ZFAND4: variants seen among roughly 807,000 people sequenced by gnomAD.
ZFAND4 encodes the protein AN1-type zinc finger protein 4.
Under a neutral mutation model 64.4 loss-of-function variants are expected in ZFAND4, and 43 were observed. The observed-to-expected ratio is 0.67, with a 90% CI of 0.52 to 0.86. The LOEUF (loss-of-function observed/expected upper bound fraction) is 0.86, where lower values mean the gene tolerates loss of function less well. Among genes scored for constraint, ZFAND4 ranks in the 40% least tolerant of loss-of-function variants. The probability of loss-of-function intolerance (pLI) is 0.00; values close to 1 mark genes in which losing one functional copy is unlikely to be tolerated. For missense variants in ZFAND4, 929 were observed against 859.8 expected, an observed-to-expected ratio of 1.08 and a Z score of -1.01; for synonymous variants, 296 against 305.7, an observed-to-expected ratio of 0.97 and a Z score of 0.33.
At chr10:45,641,622 T>C (rs1158387666) in intron 5 of ZFAND4, among the ~76,000 whole-genome samples, 2 of 152,188 alleles carry the variant, frequency 1.3e-5, no homozygotes, top group African/African-American at 2.4e-5. Flanking sequence ...ATTCAGTCTG[T>C]GGTGCTTGAC....
intron 6 of ZFAND4, among the ~76,000 whole-genome samples, chr10:45,627,851 T>C (rs563593326): frequency 3.3e-5 from 5 of 152,196 alleles, no homozygotes; most frequent in African/African-American, 9.7e-5. Context: ...CTCATGAGAC[T>C]CCACTGAAAG....
At chr10:45,670,733 G>C (rs1182999078) in intron 1 of ZFAND4, among the ~76,000 whole-genome samples, 1 of 152,166 alleles carries the variant, frequency 6.6e-6, no homozygotes, top group Non-Finnish European at 1.5e-5. Context: ...AAAAACCCTA[G>C]AAGAAAACCT....
chr10:45,618,114 T>C (rs745970889), intron 9 of ZFAND4, 26 bp downstream of exon 9: 21 of 1,597,606 alleles, frequency 1.3e-5, no homozygotes, highest in Non-Finnish European at 1.8e-5. Flanking sequence ...AGAAAGCATC[T>C]GAGCTTCTCC....
chr10:45,654,633 T>C (rs1463381944), intron 2 of ZFAND4, among the ~76,000 whole-genome samples: 1 of 150,604 alleles, frequency 6.6e-6, no homozygotes, highest in Non-Finnish European at 1.5e-5. Context: ...AAAAAAAAGA[T>C]ATCATGAATC....
intron 2 of ZFAND4, among the ~76,000 whole-genome samples, chr10:45,653,733 T>A (rs2047912458): frequency 1.3e-5 from 2 of 152,182 alleles, no homozygotes; most frequent in African/African-American, 4.8e-5. Context: ...TGCAAATTAG[T>A]TCAGCCATTG....
rs1380681291 is a variant in ZFAND4 at position 45,652,416 on chromosome 10, ACTCT to A, written c.261-387_261-384del. Among the ~76,000 whole-genome samples, 3 of 152,248 alleles carry A rather than the reference ACTCT, an allele frequency of 2.0e-5. No homozygotes were observed. In the East Asian group the frequency reaches 5.8e-4, roughly 29 times the overall value. On this transcript the variant is annotated intron_variant, in intron 3 of 9. Coordinates refer to ENST00000344646, the MANE Select transcript of ZFAND4 (RefSeq NM_174890.4). ...AATAGAAAAATAACAAGGTCTCCTG[ACTCT>A]CAGTGCTCTTACAGCTATTCCACAC...
chr10:45,636,419 T>C (rs1395894855), intron 6 of ZFAND4, among the ~76,000 whole-genome samples: 2 of 152,108 alleles, frequency 1.3e-5, no homozygotes, highest in African/African-American at 4.8e-5. Context: ...GTGGATTGCT[T>C]GAGGTCAGGA....
At chr10:45,616,748 C>A (rs79594248) in intron 9 of ZFAND4, among the ~76,000 whole-genome samples, 177 bp from the exon 10 acceptor site, 2,548 of 152,160 alleles carry the variant, frequency 0.017, 45 homozygotes, top group East Asian at 0.1. Context: ...CCAAAAAGAA[C>A]AAGTTAATTA....
At chr10:45,634,607 C>T (rs2046429290) in intron 6 of ZFAND4, among the ~76,000 whole-genome samples, 1 of 151,160 alleles carries the variant, frequency 6.6e-6, no homozygotes, top group Admixed American at 6.6e-5. Context: ...AGAGAATTAT[C>T]ATCAGGAACC....
intron 2 of ZFAND4, among the ~76,000 whole-genome samples, chr10:45,656,713 T>G (rs1380206456): frequency 6.6e-6 from 1 of 152,088 alleles, no homozygotes; most frequent in Non-Finnish European, 1.5e-5. Flanking sequence ...TGCTGAAGCC[T>G]AAATACCCAA....
intron 5 of ZFAND4, chr10:45,640,191 G>A: frequency 8.0e-7 from 1 of 1,245,454 alleles, no homozygotes; most frequent in Non-Finnish European, 1.0e-6. Flanking sequence ...TAGTATAGCT[G>A]AGCTTCTCTG....
intron 5 of ZFAND4, among the ~76,000 whole-genome samples, chr10:45,648,088 A>G (rs1469643476): frequency 6.6e-6 from 1 of 152,222 alleles, no homozygotes; most frequent in Non-Finnish European, 1.5e-5. Flanking sequence ...TCTATTAGGC[A>G]TCTTAGAGTT....
At chr10:45,639,683 A>G in intron 6 of ZFAND4, 133 bp downstream of exon 6, 1 of 1,159,786 alleles carries the variant, frequency 8.6e-7, no homozygotes, top group Non-Finnish European at 1.2e-6. Flanking sequence ...TAGAAGTTTA[A>G]TAAATAACTG....
intron 5 of ZFAND4, among the ~76,000 whole-genome samples, chr10:45,645,421 T>C (rs374519584): frequency 1.3e-5 from 2 of 152,320 alleles, no homozygotes; most frequent in South Asian, 2.1e-4. Flanking sequence ...ATCAGTTTGG[T>C]GGCTTACTGG....
chr10:45,644,726 G>C (rs934963400), intron 5 of ZFAND4, among the ~76,000 whole-genome samples: 6 of 152,180 alleles, frequency 3.9e-5, no homozygotes, highest in Non-Finnish European at 8.8e-5. Context: ...TTGATGAGCT[G>C]ACATATATTA....
Position 45,648,625 on chromosome 10 carries a change from C to T in ZFAND4, c.329-91G>A. ...CAGGATATAATATACTGAATTTGAA[C>T]AACAGTCCTGTGCATATAATATAAA... is the stretch of plus-strand genomic sequence containing the variant. On this transcript the variant is annotated intron_variant, in intron 4 of 9. Coordinates refer to ENST00000344646, the MANE Select transcript of ZFAND4 (RefSeq NM_174890.4). 4 of 1,386,620 alleles carry T rather than the reference C, an allele frequency of 2.9e-6. No individual in the cohort carries two copies. The South Asian group carries it at 4.4e-5, about 15-fold the overall frequency. The allele number at this position is 1,386,620 out of a possible 1,614,324, so 85.9% of individuals were successfully genotyped here. A position where few individuals can be genotyped will look rare whatever the true frequency, so the allele number is the denominator to read the frequency against.
chr10:45,629,251 T>TG (rs2133596947), intron 6 of ZFAND4, among the ~76,000 whole-genome samples: 1 of 152,074 alleles, frequency 6.6e-6, no homozygotes, highest in East Asian at 1.9e-4. Context: ...TTTGTAGAGA[T>TG]GGGGTCTCCC....
chr10:45,616,680 T>G (rs1589218098), intron 9 of ZFAND4, 109 bp from the exon 10 acceptor site: 3 of 1,066,860 alleles, frequency 2.8e-6, no homozygotes, highest in Non-Finnish European at 4.1e-6. Context: ...CCTTTGGTTC[T>G]TTTTAGCAAT....
chr10:45,637,912 T>C (rs1011773215), intron 6 of ZFAND4, among the ~76,000 whole-genome samples: 2 of 152,090 alleles, frequency 1.3e-5, no homozygotes, highest in African/African-American at 4.8e-5. Context: ...CCATAGTATA[T>C]AAAGATGCCT....
Sources: gnomAD v4.1 joint callset for allele counts (sites outside exome capture counted in the v4.1 genomes callset) on GRCh38, gnomAD v4.1.1 for gene constraint, MANE v1.5 for transcripts, NCBI Gene and HGNC (gene_info 2026-07-23, HGNC 2026-07-21) for gene names.